The following MAPK8IP1 variants were observed in gnomAD, a reference collection of about 807,000 sequenced individuals.
MAPK8IP1 encodes mitogen-activated protein kinase 8 interacting protein 1.
In MAPK8IP1, 17 loss-of-function variants were observed where a neutral mutation model predicts 72.6. The ratio of observed to expected loss-of-function variants is 0.23; its 90% confidence interval spans 0.16 to 0.35. MAPK8IP1 has a LOEUF of 0.35. MAPK8IP1 is among the 10% of genes least tolerant of loss of function. The probability of loss-of-function intolerance (pLI) is 1.00; values close to 1 mark genes in which losing one functional copy is unlikely to be tolerated. For synonymous variants in MAPK8IP1, 401 were observed against 443.4 expected (o/e 0.90, Z 1.20); for missense variants, 789 against 1,009.7 (o/e 0.78, Z 2.96).
Position 45,905,792 on chromosome 11 carries a change from G to A in MAPK8IP1, c.*71G>A, listed in dbSNP as rs2086703769. On this transcript the variant is annotated 3_prime_UTR_variant, in exon 12 of 12. Transcript: ENST00000241014. ...CAGGACAGCTGGCTGCTGACAGGAT[G>A]TGGCACTGCTTGAGGAGGGGCACCT... is the stretch of plus-strand genomic sequence containing the variant. 6.8e-7 allele frequency: 1 copy of A among 1,468,212 alleles called. No individual in the cohort carries two copies. The highest frequency in any genetic ancestry group is 2.3e-5 in the East Asian group (1 of 44,216). 90.9% of individuals were successfully genotyped at this position (1,468,212 alleles called of 1,614,324 possible). A position where few individuals can be genotyped will look rare whatever the true frequency, so the allele number is the denominator to read the frequency against.
Position 45,901,999 on chromosome 11 carries a change from C to A in MAPK8IP1, c.542C>A (p.Ser181Tyr). Reference protein sequence around the residue: ...PRSQDTLNNNSLGKKHSWQDR... With the variant: ...PRSQDTLNNNYLGKKHSWQDR... ...GCACAGGACACACTGAATAATAATT[C>A]TCTGGGCAAAAAGCACAGTTGGCAG... Residue 181 changes from serine (S) to tyrosine (Y), a missense_variant, in exon 4 of 12, where the codon TCT becomes TAT. This residue lies in a region of MAPK8IP1 where 112 missense variants were observed against 192.8 expected (regional missense o/e 0.58). Transcript: ENST00000241014. 3 of 1,614,092 alleles carry A rather than the reference C, an allele frequency of 1.9e-6. No individual in the cohort carries two copies. Among genetic ancestry groups the A allele is most frequent in the Non-Finnish European group, 2.5e-6 (3 of 1,179,924 alleles).
Position 45,900,150 on chromosome 11 carries a change from G to A in MAPK8IP1, c.220G>A (p.Gly74Arg), listed in dbSNP as rs950353683. ...DTLSLRPPRA[G>R]LLSAGGGGAG... ...GTGCGCTGTGCAGCCCCCGCGCGCC[G>A]GGCTGCTCTCTGCGGGCGGCGGCGG... Residue 74 changes from glycine to arginine, a missense_variant, in exon 3 of 12, where the codon GGG becomes AGG. Physicochemically the swap from Gly to Arg is moderately radical, Grantham distance 125. Coordinates refer to ENST00000241014, the MANE Select transcript of MAPK8IP1 (RefSeq NM_005456.4). The surrounding 1 kb of genome is among the most constrained non-coding windows in gnomAD (Gnocchi z 6.5). 4 of 1,297,680 alleles carry A rather than the reference G, an allele frequency of 3.1e-6. No individual in the cohort carries two copies. The Admixed American group carries it at 1.3e-4, about 42-fold the overall frequency. The allele number at this position is 1,297,680 out of a possible 1,614,324, so 80.4% of individuals were successfully genotyped here. A position where few individuals can be genotyped will look rare whatever the true frequency, so the allele number is the denominator to read the frequency against.
chr11:45,894,846 G>T (rs978305630), intron 1 of MAPK8IP1, among the ~76,000 whole-genome samples: 2 of 152,208 alleles, frequency 1.3e-5, no homozygotes, highest in Non-Finnish European at 2.9e-5. Context: ...GAGCAGCCAG[G>T]GGGTGGGAAG....
At position 45,900,570 on chromosome 11, in the gene MAPK8IP1, C is replaced by G. The variant is rs2086644721; in HGVS notation, c.522+118C>G. 2 of 1,198,978 alleles carry G rather than the reference C, an allele frequency of 1.7e-6. No homozygotes were observed. The highest frequency in any genetic ancestry group is 5.1e-5 in the Admixed American group (2 of 38,988). The allele number at this position is 1,198,978 out of a possible 1,614,324, so 74.3% of individuals were successfully genotyped here. A position where few individuals can be genotyped will look rare whatever the true frequency, so the allele number is the denominator to read the frequency against. On this transcript the variant is annotated intron_variant, in intron 3 of 11. Transcript: ENST00000241014. This position sits in a 1 kb window ranked among gnomAD's most constrained non-coding sequence, Gnocchi z 6.5. The stretch of plus-strand genomic sequence containing the variant: ...GTCCAGTGCCTGGGGACAGCGCCTG[C>G]ATAGGGGCCGCGGTGGCTCGCTCCC...
Position 45,905,031 on chromosome 11 carries a change from A to G in MAPK8IP1, c.1954A>G (p.Lys652Glu), listed in dbSNP as rs766993045. ...KNISFCGYHPKNNKYFGFITK... is the reference protein window; with the variant it reads ...KNISFCGYHPENNKYFGFITK... ...CATCTCTTTCTGCGGATATCATCCAAAGAACAACAAGTAAGTGGGGGTGGG... is the reference window on the plus strand; with the variant it reads ...CATCTCTTTCTGCGGATATCATCCAGAGAACAACAAGTAAGTGGGGGTGGG... The change falls in exon 10 of 12, where the codon AAG becomes GAG. Residue 652 changes from lysine (K) to glutamate (E), a missense_variant. Physicochemically the swap from Lys to Glu is moderately conservative, Grantham distance 56 (BLOSUM62 1). Coordinates refer to ENST00000241014, the MANE Select transcript of MAPK8IP1 (RefSeq NM_005456.4). 1 of 1,614,038 alleles carries G rather than the reference A, an allele frequency of 6.2e-7. No homozygotes were observed. Among genetic ancestry groups the G allele is most frequent in the African/African-American group, 1.3e-5 (1 of 74,940 alleles).
Position 45,903,969 on chromosome 11 carries a change from C to T in MAPK8IP1, c.1494-20C>T, listed in dbSNP as rs1413054969. 1.9e-6 allele frequency: 3 copies of T among 1,612,136 alleles called. No homozygotes were observed. Among genetic ancestry groups the T allele is most frequent in the East Asian group, 2.2e-5 (1 of 44,880 alleles). On this transcript the variant is annotated intron_variant, in intron 6 of 11. Transcript: ENST00000241014. This position sits in a 1 kb window ranked among gnomAD's most constrained non-coding sequence, Gnocchi z 6.4. ...ACAGGCCTTGGTGCCGAATTTCTCA[C>T]CTGTCCTTGCTGGGGACAGGTTTGT...
chr11:45,896,673 G>A lies in MAPK8IP1; in HGVS notation c.102-1412G>A, dbSNP rs991808298. ...CTGGGAAGAGCTGGGGCTGGGACCC[G>A]GGTCGGCAGCTGCAGCCTCCTCTCC... is the stretch of plus-strand genomic sequence containing the variant. On this transcript the variant is annotated intron_variant, in intron 1 of 11. Transcript: ENST00000241014. The A allele has an allele frequency of 4.1e-5, 58 of 1,403,264 alleles. No homozygotes were observed. The East Asian group carries it at 6.6e-4, about 16-fold the overall frequency. The allele number at this position is 1,403,264 out of a possible 1,614,324, so 86.9% of individuals were successfully genotyped here.
chr11:45,900,323 C>T lies in MAPK8IP1; in HGVS notation c.393C>T (p.Ser131=). The T allele has an allele frequency of 7.0e-7, 1 of 1,424,018 alleles. No individual in the cohort carries two copies. The highest frequency in any genetic ancestry group is 9.1e-7 in the Non-Finnish European group (1 of 1,096,496). 88.2% of individuals were successfully genotyped at this position (1,424,018 alleles called of 1,614,324 possible). The change falls in exon 3 of 12, where the codon TCC becomes TCT. Residue 131 remains serine, a synonymous_variant. Transcript: ENST00000241014. The surrounding 1 kb of genome is among the most constrained non-coding windows in gnomAD (Gnocchi z 6.5). ...RPGAGPPKAE[S]GQEPASRGQG... is the part of the protein sequence containing the mutation. ...GAGCGGGGCCGCCCAAGGCCGAGTC[C>T]GGCCAGGAGCCGGCGTCCCGCGGCC...
Position 45,900,237 on chromosome 11 carries a change from A to G in MAPK8IP1, c.307A>G (p.Thr103Ala), listed in dbSNP as rs546517121. 4.5e-6 allele frequency: 6 copies of G among 1,331,124 alleles called. No homozygotes were observed. Among genetic ancestry groups the G allele is most frequent in the Non-Finnish European group, 5.7e-6 (6 of 1,048,078 alleles). The allele number at this position is 1,331,124 out of a possible 1,614,324, so 82.5% of individuals were successfully genotyped here. ...GGACCTGATCGACGCGACGGGGGAC[A>G]CTCCCGGGGCCGAGGACGACGAGGA... is the stretch of plus-strand genomic sequence containing the variant. ...QMDLIDATGD[T>A]PGAEDDEEDD... The change falls in exon 3 of 12, where the codon ACT (threonine) becomes GCT (alanine). Residue 103 changes from threonine to alanine, a missense_variant. This residue lies in a region of MAPK8IP1 where 112 missense variants were observed against 192.8 expected (regional missense o/e 0.58). Transcript: ENST00000241014. The surrounding 1 kb of genome is among the most constrained non-coding windows in gnomAD (Gnocchi z 6.5).
In MAPK8IP1 at chr11:45,898,196, G is replaced by A. The variant is rs767422878; in HGVS notation, c.207+6G>A. The A allele has an allele frequency of 1.2e-6, 2 of 1,605,614 alleles. No individual in the cohort carries two copies. The highest frequency in any genetic ancestry group is 1.7e-6 in the Non-Finnish European group (2 of 1,173,262). ...AAGACACCCTGTCCTTACGGGTAAG[G>A]GCAAGCTCCCAGGAGCTCCTGAGTG... On this transcript the variant is annotated splice_donor_region_variant and intron_variant, in intron 2 of 11. Coordinates refer to ENST00000241014, the MANE Select transcript of MAPK8IP1 (RefSeq NM_005456.4).
chr11:45,900,091 G>T lies in MAPK8IP1; in HGVS notation c.208-47G>T. 8.7e-7 allele frequency: 1 copy of T among 1,145,400 alleles called. No individual in the cohort carries two copies. The highest frequency in any genetic ancestry group is 1.1e-6 in the Non-Finnish European group (1 of 924,740). The allele number at this position is 1,145,400 out of a possible 1,614,324, so 71.0% of individuals were successfully genotyped here. A position where few individuals can be genotyped will look rare whatever the true frequency, so the allele number is the denominator to read the frequency against. ...GCGGGGGGCGGTGCAAGCGGCCTCG[G>T]CCCCGCCCCGGCCCCGCCCCCTGAC... On this transcript the variant is annotated intron_variant, in intron 2 of 11. Coordinates refer to ENST00000241014, the MANE Select transcript of MAPK8IP1 (RefSeq NM_005456.4). The surrounding 1 kb of genome is among the most constrained non-coding windows in gnomAD (Gnocchi z 6.5).
At chr11:45,898,292 T>C in intron 2 of MAPK8IP1, 102 bp downstream of exon 2, 2 of 745,004 alleles carry the variant, frequency 2.7e-6, no homozygotes, top group Non-Finnish European at 2.4e-6. Context: ...AGGTCTGTGC[T>C]GGCACCCTCA....
chr11:45,903,499 T>C lies in MAPK8IP1; in HGVS notation c.1493+59T>C. ...CAGCAGTTTGGGCCACACACCACCC[T>C]CTACTTGTCACCCCTACATGGCCTC... On this transcript the variant is annotated intron_variant, in intron 6 of 11. Transcript: ENST00000241014. The surrounding 1 kb of genome is among the most constrained non-coding windows in gnomAD (Gnocchi z 6.4). 1 of 1,435,822 alleles carries C rather than the reference T, an allele frequency of 7.0e-7. No homozygotes were observed. Among genetic ancestry groups the C allele is most frequent in the East Asian group, 2.4e-5 (1 of 42,022 alleles). 88.9% of individuals were successfully genotyped at this position (1,435,822 alleles called of 1,614,324 possible).
At position 45,906,339 on chromosome 11, in the gene MAPK8IP1, G is replaced by A. The variant is rs987799659; in HGVS notation, c.*618G>A. On this transcript the variant is annotated 3_prime_UTR_variant, in exon 12 of 12. Transcript: ENST00000241014. ...CTGTGGCAGGCCTAGGACCTCAGGC[G>A]GGGAGGAGGAGCTGCCGCAAGGCCC... 5.1e-5 allele frequency: 24 copies of A among 466,132 alleles called. No individual in the cohort carries two copies. Among genetic ancestry groups the A allele is most frequent in the African/African-American group, 3.4e-4 (17 of 49,996 alleles). 28.9% of individuals were successfully genotyped at this position (466,132 alleles called of 1,614,324 possible).
Position 45,904,622 on chromosome 11 carries a change from A to G in MAPK8IP1, c.1776+58A>G, listed in dbSNP as rs1040658083. On this transcript the variant is annotated intron_variant, in intron 8 of 11. Transcript: ENST00000241014. This position sits in a 1 kb window ranked among gnomAD's most constrained non-coding sequence, Gnocchi z 6.4. ...ATGGGTCCCTGGGGCAGAGGGACGC[A>G]GGTGTCTAGAGGCAGTAAAGGGCTC... 1.3e-5 allele frequency: 20 copies of G among 1,593,628 alleles called. No individual in the cohort carries two copies. Among genetic ancestry groups the G allele is most frequent in the Non-Finnish European group, 1.7e-5 (20 of 1,161,674 alleles).
chr11:45,885,674 C>A lies in MAPK8IP1; in HGVS notation c.-147C>A. ...CCAGTCCCGCGGGCCGTGCGCGGTG[C>A]TGTGCCGCGCCCTGCCAGACACAGG... is the stretch of plus-strand genomic sequence containing the variant. On this transcript the variant is annotated 5_prime_UTR_variant, in exon 1 of 12. In the 5' UTR this introduces an upstream ATG that the reference lacks. Transcript: ENST00000241014. 1 of 347,670 alleles carries A rather than the reference C, an allele frequency of 2.9e-6. No individual in the cohort carries two copies. The highest frequency in any genetic ancestry group is 5.0e-6 in the Non-Finnish European group (1 of 198,908). The allele number at this position is 347,670 out of a possible 1,614,324, so 21.5% of individuals were successfully genotyped here.
At chr11:45,905,371 C>T in intron 11 of MAPK8IP1, 122 bp downstream of exon 11, 1 of 986,212 alleles carries the variant, frequency 1.0e-6, no homozygotes, top group Non-Finnish European at 1.6e-6. Context: ...AGAACTATCT[C>T]CGGACCCCAG....
intron 1 of MAPK8IP1, among the ~76,000 whole-genome samples, chr11:45,890,264 G>T (rs1442375079): frequency 6.6e-6 from 1 of 152,198 alleles, no homozygotes; most frequent in East Asian, 1.9e-4. Flanking sequence ...GGTTAGGAAA[G>T]GAATGACAGG....
intron 1 of MAPK8IP1, among the ~76,000 whole-genome samples, chr11:45,895,292 T>A (rs2086594423): frequency 4.6e-5 from 7 of 151,794 alleles, no homozygotes; most frequent in Admixed American, 2.6e-4. Flanking sequence ...GGCTTGGCAG[T>A]GAGGAAGCGG....
Sources: gnomAD v4.1 joint callset for allele counts (sites outside exome capture counted in the v4.1 genomes callset) on GRCh38, gnomAD v4.1.1 for gene constraint, gnomAD v4.1.1 regional missense constraint, Gnocchi (gnomAD v3.1) non-coding constraint, MANE v1.5 for transcripts, NCBI Gene and HGNC (gene_info 2026-07-23, HGNC 2026-07-21) for gene names.